The following NELL1 variants were observed in gnomAD, a reference collection of about 807,000 sequenced individuals.
NELL1 encodes neural EGFL like 1.
NELL1 carries 76 observed loss-of-function variants against 107.4 expected under a neutral mutation model. That is an observed-to-expected ratio of 0.71 (90% CI 0.59 to 0.86). The LOEUF (loss-of-function observed/expected upper bound fraction) is 0.86. Ranked by LOEUF, NELL1 falls within the 40% of genes least tolerant of loss-of-function variation. NELL1 has a pLI of 0.00. For missense variants in NELL1, 1,024 were observed against 1,005.5 expected (o/e 1.02, Z -0.25); for synonymous variants, 353 against 341.2 (o/e 1.03, Z -0.38).
At chr11:20,866,132 G>A (rs891072763) in intron 4 of NELL1, among the ~76,000 whole-genome samples, 28 of 152,224 alleles carry the variant, frequency 1.8e-4, no homozygotes, top group African/African-American at 6.5e-4. Flanking sequence ...CAAAGGAGGA[G>A]TTACCATCTC....
At chr11:20,928,602 C>T in intron 9 of NELL1, 123 bp downstream of exon 9, 1 of 755,752 alleles carries the variant, frequency 1.3e-6, no homozygotes, top group Non-Finnish European at 2.2e-6. Context: ...GTTGATGTAA[C>T]ATTAAATATA....
intron 14 of NELL1, among the ~76,000 whole-genome samples, chr11:21,352,944 T>C (rs1248325340): frequency 6.6e-6 from 1 of 152,158 alleles, no homozygotes; most frequent in Admixed American, 6.5e-5. Context: ...TTTGTTTTGA[T>C]CATAATACAC....
At chr11:20,722,019 C>CTTT (rs34558225) in intron 2 of NELL1, among the ~76,000 whole-genome samples, 934 of 25,920 alleles carry the variant, frequency 0.036, 14 homozygotes, top group Middle Eastern at 0.056. Flanking sequence ...CTGAGTCTCT[C>CTTT]TTTTTTTTTT....
chr11:21,502,635 A>G (rs1855170921), intron 15 of NELL1, among the ~76,000 whole-genome samples: 1 of 152,176 alleles, frequency 6.6e-6, no homozygotes, highest in African/African-American at 2.4e-5. Flanking sequence ...CACAGTTGTC[A>G]TTGTGGTTGT....
intron 13 of NELL1, among the ~76,000 whole-genome samples, chr11:21,165,758 C>CTTTTTTTTTT (rs34509347): frequency 1.0e-5 from 1 of 98,510 alleles, no homozygotes; most frequent in Non-Finnish European, 1.9e-5. Flanking sequence ...ACAATGAGAT[C>CTTTTTTTTTT]TTTTTTTTTT....
At chr11:21,277,716 T>G (rs7119410) in intron 14 of NELL1, among the ~76,000 whole-genome samples, 28,517 of 152,008 alleles carry the variant, frequency 0.19, 3,107 homozygotes, top group Middle Eastern at 0.28. Context: ...ATACTATGCA[T>G]CCATAAAAAA....
chr11:20,747,605 C>A (rs1856032969), intron 2 of NELL1, among the ~76,000 whole-genome samples: 1 of 152,180 alleles, frequency 6.6e-6, no homozygotes, highest in Non-Finnish European at 1.5e-5. Context: ...GAAAGCAGAA[C>A]CCTTATCACC....
chr11:20,729,193 C>T (rs976216584), intron 2 of NELL1, among the ~76,000 whole-genome samples: 4 of 151,946 alleles, frequency 2.6e-5, no homozygotes, highest in Non-Finnish European at 5.9e-5. Context: ...TTTATTAGCT[C>T]TTATATCCTT....
At chr11:21,573,106 C>G (rs1857141837) in intron 18 of NELL1, 79 bp from the exon 19 acceptor site, 2 of 1,078,450 alleles carry the variant, frequency 1.9e-6, no homozygotes, top group Non-Finnish European at 2.8e-6. Flanking sequence ...TTACTGTGCT[C>G]TCTTTCCCCT....
chr11:21,043,258 A>G (rs1027280725), intron 12 of NELL1, among the ~76,000 whole-genome samples: 16 of 152,152 alleles, frequency 1.1e-4, no homozygotes, highest in African/African-American at 2.7e-4. Context: ...TGCAGGGGAT[A>G]TAACAGTAAA....
intron 14 of NELL1, among the ~76,000 whole-genome samples, chr11:21,291,873 A>C (rs997503757): frequency 6.6e-6 from 1 of 152,190 alleles, no homozygotes; most frequent in Non-Finnish European, 1.5e-5. Flanking sequence ...ACAAAACTCA[A>C]CACCCCTTCA....
chr11:21,473,336 T>TTCA (rs1854230601), intron 15 of NELL1, among the ~76,000 whole-genome samples: 1 of 152,038 alleles, frequency 6.6e-6, no homozygotes, highest in Non-Finnish European at 1.5e-5. Flanking sequence ...AGATTCTTTT[T>TTCA]TCATCTATTT....
At chr11:21,141,490 T>C (rs1458278791) in intron 13 of NELL1, among the ~76,000 whole-genome samples, 1 of 152,184 alleles carries the variant, frequency 6.6e-6, no homozygotes, top group Admixed American at 6.5e-5. Context: ...TAAAAACCAG[T>C]TCCTCCCTAC....
intron 14 of NELL1, among the ~76,000 whole-genome samples, chr11:21,290,847 T>TA (rs1204272138): frequency 2.0e-5 from 3 of 151,798 alleles, no homozygotes; most frequent in South Asian, 2.1e-4. Context: ...ATCACCAACA[T>TA]AAAAAACCAA....
At chr11:21,467,984 A>C (rs1854074266) in intron 15 of NELL1, among the ~76,000 whole-genome samples, 1 of 151,878 alleles carries the variant, frequency 6.6e-6, no homozygotes, top group African/African-American at 2.4e-5. Flanking sequence ...ATATATCTGA[A>C]CCCCCTCAGT....
chr11:20,743,970 A>G (rs1223547347), intron 2 of NELL1, among the ~76,000 whole-genome samples: 3 of 152,138 alleles, frequency 2.0e-5, no homozygotes, highest in African/African-American at 7.2e-5. Context: ...TCAGTTACTC[A>G]GGCCCAAGAT....
intron 14 of NELL1, among the ~76,000 whole-genome samples, chr11:21,307,017 T>C (rs557183547): frequency 9.5e-4 from 145 of 152,154 alleles, no homozygotes; most frequent in African/African-American, 3.3e-3. Flanking sequence ...ATTGAGTCAA[T>C]AGCGTGCCTT....
At chr11:20,785,113 A>T (rs1042595052) in intron 3 of NELL1, among the ~76,000 whole-genome samples, 3 of 152,210 alleles carry the variant, frequency 2.0e-5, no homozygotes, top group African/African-American at 7.2e-5. Flanking sequence ...GCACAGTCAC[A>T]GAGGTGAAGA....
intron 14 of NELL1, among the ~76,000 whole-genome samples, chr11:21,308,746 C>T (rs552105565): frequency 6.6e-6 from 1 of 152,094 alleles, no homozygotes; most frequent in East Asian, 1.9e-4. Flanking sequence ...TTCCTTATTA[C>T]ATTATCTTGT....
Sources: allele counts gnomAD v4.1 joint callset (sites outside exome capture counted in the v4.1 genomes callset), GRCh38; gene constraint gnomAD v4.1.1; transcripts MANE v1.5; gene names NCBI Gene and HGNC (gene_info 2026-07-23, HGNC 2026-07-21).